Variants in SIK2 observed in about 807,000 individuals in gnomAD.
SIK2 encodes the protein serine/threonine-protein kinase SIK2.
In SIK2, 29 loss-of-function variants were observed where a neutral mutation model predicts 103.2. The ratio of observed to expected loss-of-function variants is 0.28; its 90% CI spans 0.21 to 0.38. The LOEUF (loss-of-function observed/expected upper bound fraction) is 0.38, where lower values mean the gene tolerates loss of function less well. SIK2 is among the 10% of genes least tolerant of loss of function. SIK2 has a pLI of 1.00. For synonymous variants in SIK2, 412 were observed against 446.1 expected (o/e 0.92, Z 0.96); for missense variants, 879 against 1,171.0 (o/e 0.75, Z 3.64).
At chr11:111,703,111 T>G (rs780791946) in intron 6 of SIK2, 92 bp from the exon 7 acceptor site, 4 of 1,112,026 alleles carry the variant, frequency 3.6e-6, no homozygotes, top group Non-Finnish European at 5.3e-6. Context: ...ATACAAAGAT[T>G]AACACCCTTG....
At chr11:111,615,235 G>A (rs528853746) in intron 1 of SIK2, among the ~76,000 whole-genome samples, 17 of 149,990 alleles carry the variant, frequency 1.1e-4, no homozygotes, top group Non-Finnish European at 2.2e-4. Context: ...AGGATTGCTT[G>A]AGGCCAGGAA....
chr11:111,661,861 A>G (rs930331418), intron 3 of SIK2, among the ~76,000 whole-genome samples: 10 of 152,194 alleles, frequency 6.6e-5, no homozygotes, highest in African/African-American at 2.4e-4. Flanking sequence ...CCCTGCCCAC[A>G]TGATTCAGTT....
chr11:111,635,615 AGAATG>A (rs1942100034), intron 3 of SIK2, among the ~76,000 whole-genome samples: 2 of 152,248 alleles, frequency 1.3e-5, no homozygotes, highest in South Asian at 4.1e-4. Context: ...ATGGATTTGA[AGAATG>A]GAATGGATCT....
chr11:111,703,084 C>A, intron 6 of SIK2, 119 bp from the exon 7 acceptor site: 1 of 806,436 alleles, frequency 1.2e-6, no homozygotes, highest in Non-Finnish European at 2.0e-6. Flanking sequence ...ATTTGACCTT[C>A]TGCTTTCCAG....
chr11:111,659,111 AT>A (rs1591604383), intron 3 of SIK2, among the ~76,000 whole-genome samples: 1 of 152,040 alleles, frequency 6.6e-6, no homozygotes, highest in East Asian at 1.9e-4. Context: ...TTACATGATC[AT>A]TTTTTCATTT....
rs1318951896 is a variant in SIK2, at chr11:111,692,234, C to T, written c.478+4072C>T. 2.0e-5 allele frequency among the ~76,000 whole-genome samples: 3 copies of T among 151,330 alleles called. No individual in the cohort carries two copies. In the South Asian group the frequency reaches 6.3e-4, roughly 32 times the overall value. ...GGAATGGCAGCATGCGCCTGTAGTC[C>T]CAGCTACTCCGGAGGCTGAGGCAGG... On this transcript the variant is annotated intron_variant, in intron 4 of 14. Transcript: ENST00000304987.
At chr11:111,661,420 C>G (rs1478247153) in intron 3 of SIK2, among the ~76,000 whole-genome samples, 3 of 152,150 alleles carry the variant, frequency 2.0e-5, no homozygotes, top group Non-Finnish European at 4.4e-5. Flanking sequence ...AGCCCTGATG[C>G]CTACTTTTGA....
At position 111,649,072 on chromosome 11, in the gene SIK2, A is replaced by G. The variant is rs569723214; in HGVS notation, c.316+28670A>G. Among the ~76,000 whole-genome samples the G allele has an allele frequency of 3.3e-5, 5 of 152,328 alleles. No individual in the cohort carries two copies. The South Asian group carries it at 1.0e-3, about 32-fold the overall frequency. On this transcript the variant is annotated intron_variant, in intron 3 of 14. Transcript: ENST00000304987. Reference sequence around the variant, plus strand: ...AATTCTGTCAGGCTACACATATTTTATAATTGATATGTAGCTTGTCATTCC... The same window carrying G: ...AATTCTGTCAGGCTACACATATTTTGTAATTGATATGTAGCTTGTCATTCC...
At chr11:111,606,029 A>C (rs954154486) in intron 1 of SIK2, among the ~76,000 whole-genome samples, 3 of 152,188 alleles carry the variant, frequency 2.0e-5, no homozygotes, top group African/African-American at 7.2e-5. Context: ...TGGGAAAAGA[A>C]TAATAGCATG....
intron 3 of SIK2, among the ~76,000 whole-genome samples, chr11:111,629,179 TAAC>T (rs1252501149): frequency 6.6e-6 from 1 of 152,226 alleles, no homozygotes; most frequent in Non-Finnish European, 1.5e-5. Flanking sequence ...ATTCTAAAAA[TAAC>T]AACTACTGTT....
chr11:111,683,399 G>A (rs1284528896), intron 3 of SIK2: 5 of 151,828 alleles, frequency 3.3e-5, no homozygotes, highest in African/African-American at 1.2e-4. Context: ...ACATTCATAA[G>A]TTTGTTCTGT....
intron 3 of SIK2, among the ~76,000 whole-genome samples, chr11:111,678,987 G>A (rs186372966): frequency 1.4e-4 from 21 of 152,306 alleles, no homozygotes; most frequent in Admixed American, 1.2e-3. Context: ...CAGCAGTGAA[G>A]AATAGAGCCT....
chr11:111,651,604 C>T (rs907780391), intron 3 of SIK2, among the ~76,000 whole-genome samples: 1 of 152,096 alleles, frequency 6.6e-6, no homozygotes, highest in Non-Finnish European at 1.5e-5. Flanking sequence ...GGTGATGAGT[C>T]GGTAGGTGTG....
intron 4 of SIK2, among the ~76,000 whole-genome samples, chr11:111,691,720 C>T (rs1168249209): frequency 6.6e-6 from 1 of 152,148 alleles, no homozygotes; most frequent in Non-Finnish European, 1.5e-5. Context: ...TTTTCTTGCC[C>T]ACACTTAATT....
chr11:111,680,572 C>A (rs571558398), intron 3 of SIK2, among the ~76,000 whole-genome samples: 6 of 152,210 alleles, frequency 3.9e-5, no homozygotes, highest in Admixed American at 1.3e-4. Flanking sequence ...TGTTATTCAG[C>A]TCCATCTTTG....
chr11:111,651,363 G>A (rs1343637115), intron 3 of SIK2, among the ~76,000 whole-genome samples: 1 of 152,202 alleles, frequency 6.6e-6, no homozygotes, highest in African/African-American at 2.4e-5. Flanking sequence ...TAACAAGAAT[G>A]AGATCATGTC....
At position 111,729,459 on chromosome 11, in the gene SIK2, T is replaced by C. The variant is rs911674567; in HGVS notation, c.*5330T>C. Reference sequence around the variant, plus strand: ...TATGAAATTAGCTGGGGAGATACTGTCCTTATTTTTCACAGCTGAAGAAAC... The same window carrying C: ...TATGAAATTAGCTGGGGAGATACTGCCCTTATTTTTCACAGCTGAAGAAAC... On this transcript the variant is annotated 3_prime_UTR_variant, in exon 15 of 15. Coordinates refer to ENST00000304987, the MANE Select transcript of SIK2 (RefSeq NM_015191.3). 6.6e-6 allele frequency: 1 copy of C among 152,254 alleles called. No individual in the cohort carries two copies. The highest frequency in any genetic ancestry group is 2.4e-5 in the African/African-American group (1 of 41,472). The allele number at this position is 152,254 out of a possible 1,614,324, so 9.4% of individuals were successfully genotyped here.
rs142957061 is a variant in SIK2, at chr11:111,678,269, C to A, written c.317-9732C>A. 3.7e-3 allele frequency among the ~76,000 whole-genome samples: 557 copies of A among 152,270 alleles called. 1 individual carries two copies. The highest frequency in any genetic ancestry group is 6.8e-3 in the Non-Finnish European group (464 of 68,028). On this transcript the variant is annotated intron_variant, in intron 3 of 14. Coordinates refer to ENST00000304987, the MANE Select transcript of SIK2 (RefSeq NM_015191.3). ...CCTGTACCTCTAACATTTATTGCCC[C>A]CTGAAATTGTAATGTTTGTCTCCTT...
rs1057498870 is a variant in SIK2 at position 111,725,402 on chromosome 11, T to A, written c.*1273T>A. On this transcript the variant is annotated 3_prime_UTR_variant, in exon 15 of 15. Transcript: ENST00000304987. ...ATTTAAGCAGATCATCTGCCAAACA[T>A]TATATTACTAATAAAACTTAACCAA... is the stretch of plus-strand genomic sequence containing the variant. 3 of 152,596 alleles carry A rather than the reference T, an allele frequency of 2.0e-5. No individual in the cohort carries two copies. The highest frequency in any genetic ancestry group is 7.2e-5 in the African/African-American group (3 of 41,446). 9.5% of individuals were successfully genotyped at this position (152,596 alleles called of 1,614,324 possible).
Sources: allele counts gnomAD v4.1 joint callset (sites outside exome capture counted in the v4.1 genomes callset), GRCh38; gene constraint gnomAD v4.1.1; transcripts MANE v1.5; gene names NCBI Gene and HGNC (gene_info 2026-07-23, HGNC 2026-07-21).